Variants in ZNF710 observed in about 807,000 individuals in gnomAD.
The protein encoded by ZNF710 is zinc finger protein 710.
Under a neutral mutation model 50.6 loss-of-function variants are expected in ZNF710, and 13 were observed. The ratio of observed to expected loss-of-function variants is 0.26; its 90% CI spans 0.17 to 0.41. The LOEUF is 0.41. Ranked by LOEUF, ZNF710 falls within the 10% of genes least tolerant of loss-of-function variation. The pLI is 1.00. For synonymous variants in ZNF710, 383 were observed against 397.0 expected (o/e 0.96, Z 0.42); for missense variants, 721 against 936.6 (o/e 0.77, Z 3.01).
rs1898010001 is a variant in ZNF710 at position 90,001,553 on chromosome 15, C to A, written c.-90C>A. The A allele has an allele frequency of 6.9e-6, 1 of 144,770 alleles. No individual in the cohort carries two copies. Among genetic ancestry groups the A allele is most frequent in the African/African-American group, 2.5e-5 (1 of 40,310 alleles). 9.0% of individuals were successfully genotyped at this position (144,770 alleles called of 1,614,324 possible). On this transcript the variant is annotated 5_prime_UTR_variant, in exon 1 of 5. Transcript: ENST00000268154. The stretch of plus-strand genomic sequence containing the variant: ...CCCGGGCGGTGGGCAGCCAGGAGCC[C>A]CCGGCCCGGCCCGGCCCGGCCCGCC...
At chr15:90,004,783 G>A (rs1259576392) in intron 1 of ZNF710, among the ~76,000 whole-genome samples, 1 of 152,238 alleles carries the variant, frequency 6.6e-6, no homozygotes, top group Non-Finnish European at 1.5e-5. Flanking sequence ...AGCTATGAGA[G>A]CATGAAACCG....
At position 90,022,012 on chromosome 15, in the gene ZNF710, G is replaced by A. The variant is rs562111884; in HGVS notation, c.-29+20398G>A. ...CAGGAGAATCGCTTGAACCAGGGAGGCAGAGGTTGCAGTGAGCTGAGATCC... is the reference window on the plus strand; with the variant it reads ...CAGGAGAATCGCTTGAACCAGGGAGACAGAGGTTGCAGTGAGCTGAGATCC... On this transcript the variant is annotated intron_variant, in intron 1 of 4. Transcript: ENST00000268154. 3.3e-5 allele frequency among the ~76,000 whole-genome samples: 5 copies of A among 152,192 alleles called. No homozygotes were observed. In the East Asian group the frequency reaches 9.7e-4, roughly 29 times the overall value.
chr15:90,029,637 CAG>C (rs1898874696), intron 1 of ZNF710, among the ~76,000 whole-genome samples: 1 of 152,092 alleles, frequency 6.6e-6, no homozygotes, highest in Non-Finnish European at 1.5e-5. Flanking sequence ...GTTTTTGAGA[CAG>C]AGTCTCAACT....
Position 90,051,726 on chromosome 15 carries a change from GTGA to G in ZNF710, c.-28-15383_-28-15381del, listed in dbSNP as rs1383756386. On this transcript the variant is annotated intron_variant, in intron 1 of 4. Transcript: ENST00000268154. Reference sequence around the variant, plus strand: ...TCTCTGGTGTACCTGGTAACCGTGGGTGAATCACTCAACTCCTGTGCCTTGGTT... The same window carrying G: ...TCTCTGGTGTACCTGGTAACCGTGGGATCACTCAACTCCTGTGCCTTGGTT... 2.6e-5 allele frequency among the ~76,000 whole-genome samples: 4 copies of G among 152,164 alleles called. No individual in the cohort carries two copies. In the South Asian group the frequency reaches 6.2e-4, roughly 24 times the overall value.
At chr15:90,050,123 G>T (rs1384410860) in intron 1 of ZNF710, among the ~76,000 whole-genome samples, 1 of 152,246 alleles carries the variant, frequency 6.6e-6, no homozygotes, top group Non-Finnish European at 1.5e-5. Flanking sequence ...CTCCCCCCAG[G>T]AGATACATGA....
chr15:90,052,250 CT>C (rs942909091), intron 1 of ZNF710, among the ~76,000 whole-genome samples: 5 of 149,294 alleles, frequency 3.3e-5, no homozygotes, highest in Non-Finnish European at 7.5e-5. Context: ...CCCCATGTGA[CT>C]TTTTTTTGTC....
intron 2 of ZNF710, among the ~76,000 whole-genome samples, chr15:90,070,136 A>G (rs1900326944): frequency 1.3e-5 from 2 of 152,180 alleles, no homozygotes; most frequent in African/African-American, 2.4e-5. Flanking sequence ...GAAACCAGCA[A>G]TTTGTAGGTT....
intron 1 of ZNF710, among the ~76,000 whole-genome samples, chr15:90,008,094 G>A (rs1472131801): frequency 6.6e-6 from 1 of 152,098 alleles, no homozygotes; most frequent in Non-Finnish European, 1.5e-5. Context: ...AATTGGGGTA[G>A]ATTCTGAAAG....
intron 4 of ZNF710, among the ~76,000 whole-genome samples, chr15:90,079,295 C>T (rs949399651): frequency 1.3e-5 from 2 of 152,238 alleles, no homozygotes; most frequent in African/African-American, 4.8e-5. Context: ...GTCACGCAGG[C>T]AGCTTCCCGT....
chr15:90,041,921 A>G (rs1304934461), intron 1 of ZNF710, among the ~76,000 whole-genome samples: 1 of 123,134 alleles, frequency 8.1e-6, no homozygotes, highest in African/African-American at 3.2e-5. Context: ...TTTTTGAGAT[A>G]GAGTTTCGCT....
At chr15:90,073,887 G>A (rs1287967948) in intron 3 of ZNF710, among the ~76,000 whole-genome samples, 1 of 148,620 alleles carries the variant, frequency 6.7e-6, no homozygotes, top group Admixed American at 7.0e-5. Context: ...CTACTCGGGA[G>A]ACTAAGGCAG....
intron 2 of ZNF710, among the ~76,000 whole-genome samples, chr15:90,069,851 C>A (rs192930344): frequency 6.6e-6 from 1 of 152,168 alleles, no homozygotes; most frequent in Non-Finnish European, 1.5e-5. Flanking sequence ...CCAGCCTCCC[C>A]GCTTTTCAGC....
At chr15:90,030,329 C>CAAAAAAAAAAAAA (rs10685083) in intron 1 of ZNF710, among the ~76,000 whole-genome samples, 6 of 50,502 alleles carry the variant, frequency 1.2e-4, no homozygotes, top group African/African-American at 2.3e-4. Flanking sequence ...AACTCCATCT[C>CAAAAAAAAAAAAA]AAAAAAAAAA....
At chr15:90,008,193 C>T (rs907457277) in intron 1 of ZNF710, among the ~76,000 whole-genome samples, 16 of 151,864 alleles carry the variant, frequency 1.1e-4, no homozygotes, top group Non-Finnish European at 2.1e-4. Flanking sequence ...TTTTTTATTA[C>T]CTACTAATTA....
intron 1 of ZNF710, among the ~76,000 whole-genome samples, chr15:90,035,519 G>A (rs554253742): frequency 4.6e-5 from 7 of 152,250 alleles, no homozygotes; most frequent in Non-Finnish European, 1.0e-4. Context: ...TGCCGGGACA[G>A]GATCAGGACC....
intron 1 of ZNF710, among the ~76,000 whole-genome samples, chr15:90,057,412 G>A (rs1373804125): frequency 6.6e-6 from 1 of 151,834 alleles, no homozygotes; most frequent in Non-Finnish European, 1.5e-5. Flanking sequence ...AATTAACTTC[G>A]AGGCCGGGCA....
chr15:90,003,357 G>A (rs1898062633), intron 1 of ZNF710, among the ~76,000 whole-genome samples: 1 of 152,132 alleles, frequency 6.6e-6, no homozygotes, highest in Admixed American at 6.5e-5. Flanking sequence ...GTGGGCATCT[G>A]GGAAATTCAC....
At chr15:90,064,132 A>G (rs1177003459) in intron 1 of ZNF710, among the ~76,000 whole-genome samples, 1 of 152,266 alleles carries the variant, frequency 6.6e-6, no homozygotes, top group Non-Finnish European at 1.5e-5. Flanking sequence ...CACAACAGAC[A>G]GGAGGGTTGC....
chr15:90,026,246 AAACAAAAC>A (rs1898771909), intron 1 of ZNF710, among the ~76,000 whole-genome samples: 1 of 144,130 alleles, frequency 6.9e-6, no homozygotes, highest in African/African-American at 2.7e-5. Flanking sequence ...ATGAGAAAAA[AAACAAAAC>A]AACAACAACA....
Sources: gnomAD v4.1 joint callset for allele counts (sites outside exome capture counted in the v4.1 genomes callset) on GRCh38, gnomAD v4.1.1 for gene constraint, MANE v1.5 for transcripts, NCBI Gene and HGNC (gene_info 2026-07-23, HGNC 2026-07-21) for gene names.